Variants in TUBB8 observed in about 807,000 individuals in gnomAD.
TUBB8 encodes tubulin beta-8 chain.
Under a neutral mutation model 33.7 loss-of-function variants are expected in TUBB8, and 25 were observed. The observed-to-expected ratio is 0.74, with a 90% CI of 0.54 to 1.04. TUBB8 has a LOEUF of 1.04. Ranked by LOEUF, TUBB8 falls within the 50% of genes least tolerant of loss-of-function variation. The pLI, the probability that TUBB8 is intolerant of heterozygous loss-of-function variation, is 0.00. For synonymous variants in TUBB8, 245 were observed against 240.1 expected (o/e 1.02, Z -0.19); for missense variants, 279 against 608.0 (o/e 0.46, Z 5.69).
intron 1 of TUBB8, among the ~76,000 whole-genome samples, chr10:58,655 C>T (rs1198450583): frequency 6.6e-6 from 1 of 152,096 alleles, no homozygotes; most frequent in Non-Finnish European, 1.5e-5. Context: ...TTTAAATAAC[C>T]AGGTCTTATG....
upstream of TUBB8, among the ~76,000 whole-genome samples, chr10:74,505 T>TA (rs1475744694): frequency 6.6e-6 from 1 of 151,492 alleles, no homozygotes; most frequent in Non-Finnish European, 1.5e-5. Context: ...CACACGCCTG[T>TA]AGTCCCAGCT....
upstream of TUBB8, among the ~76,000 whole-genome samples, chr10:50,515 C>T (rs1834453786): frequency 6.6e-6 from 1 of 152,118 alleles, no homozygotes; most frequent in African/African-American, 2.4e-5. Flanking sequence ...AGGGCATTTC[C>T]TTTTACATGG....
At position 48,599 on chromosome 10, in the gene TUBB8, C is replaced by T; in HGVS notation, c.277+16G>A. 1 of 1,608,170 alleles carries T rather than the reference C, an allele frequency of 6.2e-7. No individual in the cohort carries two copies. The highest frequency in any genetic ancestry group is 8.5e-7 in the Non-Finnish European group (1 of 1,175,768). On this transcript the variant is annotated intron_variant, in intron 3 of 3. Coordinates refer to ENST00000568584, the MANE Select transcript of TUBB8 (RefSeq NM_177987.3). ...CTGGCTAAGGAGCCGCACCCCAGTC[C>T]TCGCCCGCAGCTCACCGAAGATGAA...
intron 1 of TUBB8, among the ~76,000 whole-genome samples, chr10:59,547 G>T (rs1554740616): frequency 6.6e-6 from 1 of 152,132 alleles, no homozygotes; most frequent in Admixed American, 6.5e-5. Flanking sequence ...AACCATCCTT[G>T]TATCTCTGGG....
Position 47,376 on chromosome 10 carries a change from C to A in TUBB8, c.1016G>T (p.Ser339Ile), listed in dbSNP as rs782593461. Residue 339 changes from serine to isoleucine, a missense_variant, in exon 4 of 4, where the codon AGT becomes ATT. By Grantham distance (142) the Ser-to-Ile change is moderately radical. This residue lies in a region of TUBB8 where 123 missense variants were observed against 228.9 expected (regional missense o/e 0.54). Coordinates refer to ENST00000568584, the MANE Select transcript of TUBB8 (RefSeq NM_177987.3). ...GTTGGGGAGCCAGTCAGCAAAGTAA[C>A]TGCTGTTCTTATCTTGAATGTTGAA... Reference protein sequence around the residue: ...QMFNIQDKNSSYFADWLPNNV... With the variant: ...QMFNIQDKNSIYFADWLPNNV... 6.2e-7 allele frequency: 1 copy of A among 1,612,752 alleles called. No homozygotes were observed. Among genetic ancestry groups the A allele is most frequent in the Non-Finnish European group, 8.5e-7 (1 of 1,179,956 alleles).
At chr10:69,834 T>C (rs1302500772) in intron 1 of TUBB8, among the ~76,000 whole-genome samples, 14 of 152,184 alleles carry the variant, frequency 9.2e-5, no homozygotes, top group Non-Finnish European at 1.3e-4. Flanking sequence ...GAGGATGCAG[T>C]GAGCCGAGAT....
upstream of TUBB8, among the ~76,000 whole-genome samples, chr10:76,169 C>T (rs7093061): frequency 0.27 from 39,553 of 148,406 alleles, 6,352 homozygotes; most frequent in Non-Finnish European, 0.36. Flanking sequence ...AACACGAGCA[C>T]CGATCAGGGG....
chr10:52,703 C>A (rs1261758286), upstream of TUBB8, among the ~76,000 whole-genome samples: 1 of 152,210 alleles, frequency 6.6e-6, no homozygotes, highest in Non-Finnish European at 1.5e-5. Context: ...ATACATTTTT[C>A]AGGCTTGGTG....
chr10:49,524 T>G (rs1464708292), upstream of TUBB8: 6 of 637,372 alleles, frequency 9.4e-6, no homozygotes, highest in African/African-American at 1.8e-5. Context: ...TTAGTAAGAC[T>G]AAATCCCTAG....
Position 47,834 on chromosome 10 carries a change from G to A in TUBB8, c.558C>T (p.Thr186=). The A allele has an allele frequency of 6.2e-7, 1 of 1,614,234 alleles. No homozygotes were observed. Among genetic ancestry groups the A allele is most frequent in the Non-Finnish European group, 8.5e-7 (1 of 1,180,028 alleles). Residue 186 remains threonine, a synonymous_variant, in exon 4 of 4, where the codon ACC becomes ACT. Transcript: ENST00000568584. ...SDTVVEPYNA[T]LSVHQLIENA... ...TTTCTATGAGCTGGTGGACTGAGAG[G>A]GTGGCGTTGTAGGGCTCCACCACGG...
intron 1 of TUBB8, among the ~76,000 whole-genome samples, chr10:55,054 C>T (rs1246778079): frequency 4.6e-5 from 7 of 152,172 alleles, no homozygotes; most frequent in Admixed American, 6.5e-5. Flanking sequence ...CTGCGCCTGG[C>T]GAGACTGGGT....
chr10:47,801 A>G lies in TUBB8; in HGVS notation c.591T>C (p.Asp197=), dbSNP rs1834373269. The G allele has an allele frequency of 6.2e-7, 1 of 1,613,918 alleles. No individual in the cohort carries two copies. The highest frequency in any genetic ancestry group is 1.3e-5 in the African/African-American group (1 of 74,948). ...CTTCGTTATCTATGCAAAAGGTCTC[A>G]TCTGCGTTTTCTATGAGCTGGTGGA... ...LSVHQLIENA[D]ETFCIDNEAL... Residue 197 remains aspartate, a synonymous_variant, in exon 4 of 4, where the codon GAT becomes GAC. Coordinates refer to ENST00000568584, the MANE Select transcript of TUBB8 (RefSeq NM_177987.3).
chr10:76,527 C>T (rs1318331420), upstream of TUBB8, among the ~76,000 whole-genome samples: 1 of 152,008 alleles, frequency 6.6e-6, no homozygotes, highest in East Asian at 1.9e-4. Context: ...GCGGACGTGG[C>T]CCCAGGTGTC....
chr10:57,734 T>C (rs72478216), intron 1 of TUBB8, among the ~76,000 whole-genome samples: 74 of 146,838 alleles, frequency 5.0e-4, no homozygotes, highest in Non-Finnish European at 5.0e-4. Flanking sequence ...GGCCTCAGGG[T>C]CTGTGATGGG....
chr10:60,790 G>A (rs1392776713), intron 1 of TUBB8, among the ~76,000 whole-genome samples: 7 of 152,054 alleles, frequency 4.6e-5, no homozygotes, highest in Admixed American at 6.6e-5. Context: ...TGTTTATTGC[G>A]GCACTATTCA....
At chr10:72,454 A>G (rs1834749953) in intron 1 of TUBB8, among the ~76,000 whole-genome samples, 1 of 151,972 alleles carries the variant, frequency 6.6e-6, no homozygotes, top group African/African-American at 2.4e-5. Flanking sequence ...GCTACTCAGG[A>G]GGCTGATGCA....
chr10:55,958 T>C (rs1471387711), intron 1 of TUBB8, among the ~76,000 whole-genome samples: 2 of 152,260 alleles, frequency 1.3e-5, no homozygotes, highest in African/African-American at 2.4e-5. Context: ...AGAATAGCTT[T>C]GACTATTATG....
At chr10:59,195 C>T (rs1359745705) in intron 1 of TUBB8, among the ~76,000 whole-genome samples, 2 of 151,604 alleles carry the variant, frequency 1.3e-5, no homozygotes, top group East Asian at 3.9e-4. Context: ...GGATTTTGTC[C>T]TTCTTTTTTT....
chr10:64,975 TAAA>T (rs61340461), intron 1 of TUBB8, among the ~76,000 whole-genome samples: 63,883 of 118,780 alleles, frequency 0.54, 14,876 homozygotes, highest in Non-Finnish European at 0.6. Flanking sequence ...CCATCTCCAC[TAAA>T]AAAAAAAAAA....
Sources: gnomAD v4.1 joint callset for allele counts (sites outside exome capture counted in the v4.1 genomes callset) on GRCh38, gnomAD v4.1.1 for gene constraint, gnomAD v4.1.1 regional missense constraint, MANE v1.5 for transcripts, NCBI Gene and HGNC (gene_info 2026-07-23, HGNC 2026-07-21) for gene names.